Variants in ZNF160 observed in about 807,000 individuals in gnomAD.
ZNF160 encodes the protein zinc finger protein 160.
A neutral mutation model predicts 13.1 loss-of-function variants in ZNF160; 9 were observed. That is an observed-to-expected ratio of 0.69 (90% confidence interval 0.41 to 1.20). The LOEUF is 1.20. Among genes scored for constraint, ZNF160 ranks in the 50% most tolerant of loss-of-function variants. The probability of loss-of-function intolerance (pLI) is 0.01; values close to 1 mark genes in which losing one functional copy is unlikely to be tolerated. For synonymous variants in ZNF160, 293 were observed against 333.2 expected (o/e 0.88, Z 1.31); for missense variants, 838 against 988.0 (o/e 0.85, Z 2.04).
intron 3 of ZNF160, among the ~76,000 whole-genome samples, chr19:53,084,196 A>C (rs1203765109): frequency 6.6e-6 from 1 of 152,174 alleles, no homozygotes; most frequent in Non-Finnish European, 1.5e-5. Context: ...CCACGAAGGC[A>C]CCAGTGGCTG....
chr19:53,094,825 T>C (rs893127828), intron 1 of ZNF160, among the ~76,000 whole-genome samples: 3 of 152,172 alleles, frequency 2.0e-5, no homozygotes, highest in Non-Finnish European at 4.4e-5. Flanking sequence ...AGTGCAATGC[T>C]GTTGATCCAG....
At chr19:53,090,963 GT>G (rs2085012221) in intron 2 of ZNF160, 1 of 152,256 alleles carries the variant, frequency 6.6e-6, no homozygotes, top group Non-Finnish European at 1.5e-5. Context: ...ACCTGTCTGT[GT>G]GGTTCAATGG....
Position 53,071,657 on chromosome 19 carries a change from TAAAAAATA to T in ZNF160, c.272-1403_272-1396del, listed in dbSNP as rs142760345. Among the ~76,000 whole-genome samples, 1,055 of 151,160 alleles carry T rather than the reference TAAAAAATA, an allele frequency of 7.0e-3. 8 individuals are homozygous for T. Among genetic ancestry groups the T allele is most frequent in the South Asian group, 0.047 (222 of 4,770 alleles). ...CAGCCTTAGAGACAGTGAGATGTCT[TAAAAAATA>T]AAAAAATAAAAAAAAAATCGGGCAG... On this transcript the variant is annotated intron_variant, in intron 5 of 5. Transcript: ENST00000683776.
chr19:53,068,599 T>A lies in ZNF160; in HGVS notation c.1935A>T (p.Gly645=). The change falls in exon 6 of 6, where the codon GGA becomes GGT. Residue 645 remains glycine, a synonymous_variant. Transcript: ENST00000683776. ...ACTCATTACACTTGTAAGGTTTCTC[T>A]CCAGTATGAATTCGCCGATGAGTTG... ...YLATHRRIHT[G]EKPYKCNECG... 6.2e-7 allele frequency: 1 copy of A among 1,614,004 alleles called. No homozygotes were observed. Among genetic ancestry groups the A allele is most frequent in the Non-Finnish European group, 8.5e-7 (1 of 1,179,978 alleles).
intron 2 of ZNF160, among the ~76,000 whole-genome samples, chr19:53,088,198 A>G (rs2084912531): frequency 6.6e-6 from 1 of 152,198 alleles, no homozygotes; most frequent in African/African-American, 2.4e-5. Flanking sequence ...AAAAGCCAAG[A>G]TAACAGAAGA....
At chr19:53,072,448 T>G (rs2084216266) in intron 5 of ZNF160, among the ~76,000 whole-genome samples, 1 of 152,212 alleles carries the variant, frequency 6.6e-6, no homozygotes, top group Admixed American at 6.5e-5. Context: ...TGTATTCATT[T>G]TATGAAAATC....
At chr19:53,074,933 C>T in intron 4 of ZNF160, 124 bp downstream of exon 4, 1 of 1,307,874 alleles carries the variant, frequency 7.6e-7, no homozygotes, top group Non-Finnish European at 1.1e-6. Flanking sequence ...TTAAGCTTTC[C>T]ATTTCAGAGT....
At chr19:53,097,934 G>A (rs2085297440) in intron 1 of ZNF160, among the ~76,000 whole-genome samples, 2 of 152,174 alleles carry the variant, frequency 1.3e-5, no homozygotes, top group Non-Finnish European at 2.9e-5. Flanking sequence ...TGCTGCTGAA[G>A]CTCCCTCTGG....
At chr19:53,074,563 G>A (rs933230969) in intron 4 of ZNF160, among the ~76,000 whole-genome samples, 1 of 151,690 alleles carries the variant, frequency 6.6e-6, no homozygotes, top group Non-Finnish European at 1.5e-5. Flanking sequence ...CCAGCTACTC[G>A]GGAGGCTAAG....
rs2085497992 is a variant in ZNF160, at chr19:53,102,886, G to C, written c.-354+379C>G. Among the ~76,000 whole-genome samples, 2 of 152,088 alleles carry C rather than the reference G, an allele frequency of 1.3e-5. 1 individual carries two copies. The highest frequency in any genetic ancestry group is 4.1e-4 in the South Asian group (2 of 4,832). On this transcript the variant is annotated intron_variant, in intron 1 of 5. Transcript: ENST00000683776. Reference sequence around the variant, plus strand: ...GGTGACTGCGAAGGGGAGGCCTGGGGAGCAGCAGGGCCCGGCACGAGGAGG... The same window carrying C: ...GGTGACTGCGAAGGGGAGGCCTGGGCAGCAGCAGGGCCCGGCACGAGGAGG...
chr19:53,069,863 G>A lies in ZNF160; in HGVS notation c.671C>T (p.Pro224Leu). The A allele has an allele frequency of 1.2e-6, 2 of 1,614,098 alleles. No homozygotes were observed. Among genetic ancestry groups the A allele is most frequent in the Non-Finnish European group, 1.7e-6 (2 of 1,180,030 alleles). ...GSSVSPLQQI[P>L]SSVQTHRSKK... The stretch of plus-strand genomic sequence containing the variant: ...AGACCTGTGGGTTTGGACACTAGAA[G>A]GAATTTGTTGAAGTGGTGACACTGA... Residue 224 changes from proline (P) to leucine (L), a missense_variant, in exon 6 of 6, where the codon CCT becomes CTT. Transcript: ENST00000683776. The surrounding 1 kb of genome is among the most constrained non-coding windows in gnomAD (Gnocchi z 4.4).
At position 53,070,080 on chromosome 19, in the gene ZNF160, A is replaced by C. The variant is rs1225082177; in HGVS notation, c.454T>G (p.Tyr152Asp). ...TTCTGGGCCATAAGCACTCCCTTGT[A>C]ATTTCCTGTGTCATCTCTCCATTGA... ...ECQWRDDTGN[Y>D]KGVLMAQKEG... Residue 152 changes from tyrosine (Y) to aspartate (D), a missense_variant, in exon 6 of 6, where the codon TAC becomes GAC. By Grantham distance (160) the Tyr-to-Asp change is radical. This residue lies in a region of ZNF160 where 387 missense variants were observed against 402.3 expected (regional missense o/e 0.96). Transcript: ENST00000683776. 1.2e-6 allele frequency: 2 copies of C among 1,614,080 alleles called. No individual in the cohort carries two copies. The highest frequency in any genetic ancestry group is 2.2e-5 in the South Asian group (2 of 91,072).
Position 53,068,068 on chromosome 19 carries a change from T to C in ZNF160, c.*9A>G. The C allele has an allele frequency of 6.3e-7, 1 of 1,588,486 alleles. No individual in the cohort carries two copies. Among genetic ancestry groups the C allele is most frequent in the Middle Eastern group, 1.9e-4 (1 of 5,382 alleles). On this transcript the variant is annotated 3_prime_UTR_variant, in exon 6 of 6. Transcript: ENST00000683776. ...AAGGAGTGAATTGTACCTAATGACC[T>C]CACCACACTCATTTGTAAGGTTTCT...
rs562466416 is a variant in ZNF160, at chr19:53,070,335, T to C, written c.272-73A>G. The C allele has an allele frequency of 2.1e-4, 286 of 1,368,372 alleles. 1 individual carries two copies. In the African/African-American group the frequency reaches 4.0e-3, roughly 19 times the overall value. 84.8% of individuals were successfully genotyped at this position (1,368,372 alleles called of 1,614,324 possible). A position where few individuals can be genotyped will look rare whatever the true frequency, so the allele number is the denominator to read the frequency against. ...AAATAAATATTTTACATTGAAAACA[T>C]ATTCCACCAAAAGTAATACTTATAT... On this transcript the variant is annotated intron_variant, in intron 5 of 5. Coordinates refer to ENST00000683776, the MANE Select transcript of ZNF160 (RefSeq NM_001322131.2).
At chr19:53,082,812 G>A (rs2084683857) in intron 3 of ZNF160, among the ~76,000 whole-genome samples, 1 of 152,144 alleles carries the variant, frequency 6.6e-6, no homozygotes, top group Non-Finnish European at 1.5e-5. Context: ...GGAGATAGTG[G>A]CAAATCCCAC....
At chr19:53,094,306 G>A (rs1374276925) in intron 1 of ZNF160, among the ~76,000 whole-genome samples, 1 of 152,050 alleles carries the variant, frequency 6.6e-6, no homozygotes, top group Non-Finnish European at 1.5e-5. Context: ...CTTCCATCCC[G>A]GTGCCTGGCA....
At chr19:53,096,947 C>G (rs1213217073) in intron 1 of ZNF160, among the ~76,000 whole-genome samples, 1 of 101,994 alleles carries the variant, frequency 9.8e-6, no homozygotes, top group Non-Finnish European at 2.0e-5. Context: ...CGGAGGGGCA[C>G]CCTGTGGGGA....
chr19:53,088,082 A>C (rs1268155399), intron 2 of ZNF160, among the ~76,000 whole-genome samples: 1 of 152,216 alleles, frequency 6.6e-6, no homozygotes, highest in Non-Finnish European at 1.5e-5. Flanking sequence ...GAGCACTTGC[A>C]CATTCAGAGA....
At chr19:53,102,680 A>T (rs1045902906) in intron 1 of ZNF160, among the ~76,000 whole-genome samples, 4 of 151,878 alleles carry the variant, frequency 2.6e-5, no homozygotes, top group African/African-American at 9.7e-5. Context: ...ATCTCCTCTC[A>T]GTGGCTCTTT....
Sources: gnomAD v4.1 joint callset for allele counts (sites outside exome capture counted in the v4.1 genomes callset) on GRCh38, gnomAD v4.1.1 for gene constraint, gnomAD v4.1.1 regional missense constraint, Gnocchi (gnomAD v3.1) non-coding constraint, MANE v1.5 for transcripts, NCBI Gene and HGNC (gene_info 2026-07-23, HGNC 2026-07-21) for gene names.